The following ANKRD26 variants were observed in gnomAD, a reference collection of about 807,000 sequenced individuals.
ANKRD26 encodes the protein ankyrin repeat domain 26.
ANKRD26 carries 141 observed loss-of-function variants against 208.7 expected under a neutral mutation model. That is an observed-to-expected ratio of 0.68 (90% CI 0.59 to 0.78). The LOEUF is 0.78. ANKRD26 is among the 30% of genes least tolerant of loss of function. The probability of loss-of-function intolerance (pLI) is 0.00; values close to 1 mark genes in which losing one functional copy is unlikely to be tolerated. For synonymous variants in ANKRD26, 636 were observed against 660.4 expected (o/e 0.96, Z 0.57); for missense variants, 1,889 against 1,938.7 (o/e 0.97, Z 0.48).
rs371388432 is a variant in ANKRD26, at chr10:27,092,515, G to C, written c.532-3C>G. 1 of 1,606,904 alleles carries C rather than the reference G, an allele frequency of 6.2e-7. No homozygotes were observed. The highest frequency in any genetic ancestry group is 1.3e-5 in the African/African-American group (1 of 74,732). On this transcript the variant is annotated splice_region_variant and splice_polypyrimidine_tract_variant and intron_variant, in intron 3 of 33. Coordinates refer to ENST00000376087, the MANE Select transcript of ANKRD26 (RefSeq NM_014915.3). Reference sequence around the variant, plus strand: ...AGTAAAAGTGGTGTGAGGTCATCCTGTAAGACAGCAAAAACAAGTTAAAAT... The same window carrying C: ...AGTAAAAGTGGTGTGAGGTCATCCTCTAAGACAGCAAAAACAAGTTAAAAT...
In ANKRD26 at chr10:27,022,696, A is replaced by G. The variant is rs1450522814; in HGVS notation, c.4086-9T>C. On this transcript the variant is annotated splice_polypyrimidine_tract_variant and intron_variant, in intron 28 of 33. Transcript: ENST00000376087. ...TTAAGAGGTTCTTAAATCTGCAGGA[A>G]GGTACAAAATGAGTAACTCAAGTTT... The G allele has an allele frequency of 6.3e-7, 1 of 1,579,920 alleles. No homozygotes were observed. Among genetic ancestry groups the G allele is most frequent in the Admixed American group, 1.7e-5 (1 of 58,674 alleles).
In ANKRD26 at chr10:27,086,532, G is replaced by T. The variant is rs2056121540; in HGVS notation, c.709+7C>A. On this transcript the variant is annotated splice_region_variant and intron_variant, in intron 5 of 33. Coordinates refer to ENST00000376087, the MANE Select transcript of ANKRD26 (RefSeq NM_014915.3). ...TACCAAGAGAAATTCACTATTGGAAGTCTTACCTGAATTACTATTTTGAGA... is the reference window on the plus strand; with the variant it reads ...TACCAAGAGAAATTCACTATTGGAATTCTTACCTGAATTACTATTTTGAGA... 1 of 1,605,118 alleles carries T rather than the reference G, an allele frequency of 6.2e-7. No homozygotes were observed. Among genetic ancestry groups the T allele is most frequent in the Non-Finnish European group, 8.5e-7 (1 of 1,174,864 alleles).
At position 27,046,405 on chromosome 10, in the gene ANKRD26, G is replaced by C. The variant is rs1490389821; in HGVS notation, c.1933C>G (p.Leu645Val). The change falls in exon 18 of 34, where the codon CTA becomes GTA. Residue 645 changes from leucine to valine, a missense_variant. By Grantham distance (32) the Leu-to-Val change is conservative. Around this residue, in one of 3 missense-constraint regions of ANKRD26, gnomAD observed 1,272 missense variants for 1,273.8 expected, o/e 1.00. Coordinates refer to ENST00000376087, the MANE Select transcript of ANKRD26 (RefSeq NM_014915.3). ...GKASLLTGGL[L>V]QVDDDSSLSE... ...AAACTGCTGTCATCATCCACTTGTA[G>C]CAGGCCACCAGTTAGTAAACTGGCC... is the stretch of plus-strand genomic sequence containing the variant. 1.2e-6 allele frequency: 2 copies of C among 1,613,894 alleles called. No homozygotes were observed. Among genetic ancestry groups the C allele is most frequent in the Non-Finnish European group, 8.5e-7 (1 of 1,180,002 alleles).
At chr10:27,061,059 A>C in intron 13 of ANKRD26, 85 bp downstream of exon 13, 1 of 1,024,838 alleles carries the variant, frequency 9.8e-7, no homozygotes, top group Admixed American at 1.7e-5. Flanking sequence ...CTTATTTCTC[A>C]TCAGAGAAAG....
rs769269885 is a variant in ANKRD26, at chr10:27,053,396, A to G, written c.1565-6T>C. On this transcript the variant is annotated splice_region_variant and splice_polypyrimidine_tract_variant and intron_variant, in intron 15 of 33. Coordinates refer to ENST00000376087, the MANE Select transcript of ANKRD26 (RefSeq NM_014915.3). ...TACTTCTAAGTCATGTTCAGCTGAA[A>G]AAATCCAAATATTTAGTTTAATGAA... 2 of 1,606,120 alleles carry G rather than the reference A, an allele frequency of 1.2e-6. No individual in the cohort carries two copies. Among genetic ancestry groups the G allele is most frequent in the Non-Finnish European group, 1.7e-6 (2 of 1,174,468 alleles).
At chr10:27,027,775 AC>A (rs2053715232) in intron 27 of ANKRD26, among the ~76,000 whole-genome samples, 1 of 152,210 alleles carries the variant, frequency 6.6e-6, no homozygotes, top group African/African-American at 2.4e-5. Context: ...AGCCCAACTT[AC>A]AATTTTTCAA....
At chr10:27,072,686 T>C (rs911094490) in intron 9 of ANKRD26, among the ~76,000 whole-genome samples, 2 of 152,192 alleles carry the variant, frequency 1.3e-5, no homozygotes, top group African/African-American at 4.8e-5. Flanking sequence ...CATCACAACG[T>C]CTGCAAGCAC....
chr10:27,076,867 C>T (rs1360322485), intron 9 of ANKRD26, among the ~76,000 whole-genome samples: 1 of 151,982 alleles, frequency 6.6e-6, no homozygotes, highest in Non-Finnish European at 1.5e-5. Flanking sequence ...AAACCGCCAA[C>T]AAGAAAAAAA....
chr10:27,099,844 A>AT (rs1354530603), intron 1 of ANKRD26, among the ~76,000 whole-genome samples: 8 of 138,872 alleles, frequency 5.8e-5, no homozygotes, highest in African/African-American at 2.2e-4. Flanking sequence ...TCACTTTAAA[A>AT]TTGTCACTTA....
rs192001764 is a variant in ANKRD26, at chr10:27,070,140, C to A, written c.1078-2854G>T. On this transcript the variant is annotated intron_variant, in intron 9 of 33. Coordinates refer to ENST00000376087, the MANE Select transcript of ANKRD26 (RefSeq NM_014915.3). ...AAAAAAAAGGCCAGGCGTGGTGGCTCATGCCTGTAATCCCAGCACTTTGGG... is the reference window on the plus strand; with the variant it reads ...AAAAAAAAGGCCAGGCGTGGTGGCTAATGCCTGTAATCCCAGCACTTTGGG... Among the ~76,000 whole-genome samples the A allele has an allele frequency of 3.4e-5, 5 of 147,268 alleles. No individual in the cohort carries two copies. In the South Asian group the frequency reaches 1.1e-3, roughly 32 times the overall value.
At position 27,029,325 on chromosome 10, in the gene ANKRD26, G is replaced by A. The variant is rs2053785243; in HGVS notation, c.3839C>T (p.Ala1280Val). The A allele has an allele frequency of 6.2e-7, 1 of 1,612,838 alleles. No homozygotes were observed. The highest frequency in any genetic ancestry group is 1.3e-5 in the African/African-American group (1 of 75,010). The change falls in exon 26 of 34, where the codon GCT (alanine) becomes GTT (valine). Residue 1280 changes from alanine (A) to valine (V), a missense_variant. Physicochemically the swap from Ala to Val is moderately conservative, Grantham distance 64. This residue lies in a region of ANKRD26 where 613 missense variants were observed against 648.2 expected (regional missense o/e 0.95). Transcript: ENST00000376087. ...LQEAQDRHTEAVRCAEKMQDH... is the reference protein window; with the variant it reads ...LQEAQDRHTEVVRCAEKMQDH... Reference sequence around the variant, plus strand: ...TTGCATCTTCTCAGCACATCTGACAGCTTCTGTATGTCGATCCTGTGCTTC... The same window carrying A: ...TTGCATCTTCTCAGCACATCTGACAACTTCTGTATGTCGATCCTGTGCTTC...
chr10:27,088,624 T>C (rs1420434143), intron 4 of ANKRD26, among the ~76,000 whole-genome samples: 1 of 152,174 alleles, frequency 6.6e-6, no homozygotes, highest in Admixed American at 6.5e-5. Context: ...CAGATCACTT[T>C]AGGGGTCAAC....
At chr10:27,081,771 T>C (rs912689171) in intron 6 of ANKRD26, among the ~76,000 whole-genome samples, 11 of 151,658 alleles carry the variant, frequency 7.3e-5, no homozygotes, top group African/African-American at 2.4e-4. Context: ...AGAGTCCCGC[T>C]CTGTCACCCA....
At chr10:27,027,613 T>C (rs781570463) in intron 27 of ANKRD26, among the ~76,000 whole-genome samples, 3 of 152,232 alleles carry the variant, frequency 2.0e-5, no homozygotes, top group Non-Finnish European at 4.4e-5. Flanking sequence ...AACTCATTAA[T>C]GTTATGAATT....
intron 32 of ANKRD26, among the ~76,000 whole-genome samples, chr10:27,009,694 T>C (rs551935976): frequency 6.6e-6 from 1 of 152,324 alleles, no homozygotes; most frequent in East Asian, 1.9e-4. Context: ...CTTACGCTAA[T>C]AATTTAATGC....
At chr10:27,079,827 T>C (rs2055836739) in intron 6 of ANKRD26, among the ~76,000 whole-genome samples, 1 of 152,068 alleles carries the variant, frequency 6.6e-6, no homozygotes, top group African/African-American at 2.4e-5. Context: ...CACTCCAGCC[T>C]GGGTGACACA....
chr10:26,977,700 C>T (rs973599427), intron 5 of ANKRD26, among the ~76,000 whole-genome samples: 1 of 152,120 alleles, frequency 6.6e-6, no homozygotes, highest in African/African-American at 2.4e-5. Flanking sequence ...CATTTTGGTC[C>T]TCTCATTAAG....
intron 27 of ANKRD26, among the ~76,000 whole-genome samples, chr10:27,024,982 C>T (rs918718145): frequency 1.3e-5 from 2 of 152,142 alleles, no homozygotes; most frequent in Non-Finnish European, 2.9e-5. Context: ...TTATACTCAC[C>T]TGACTTCAAG....
intron 25 of ANKRD26, among the ~76,000 whole-genome samples, 184 bp from the exon 26 acceptor site, chr10:27,029,540 C>T (rs1373907569): frequency 6.6e-6 from 1 of 152,132 alleles, no homozygotes; most frequent in Non-Finnish European, 1.5e-5. Flanking sequence ...ATCTACGGCT[C>T]CCAAAGCCTA....
Sources: gnomAD v4.1 joint callset for allele counts (sites outside exome capture counted in the v4.1 genomes callset) on GRCh38, gnomAD v4.1.1 for gene constraint, gnomAD v4.1.1 regional missense constraint, MANE v1.5 for transcripts, NCBI Gene and HGNC (gene_info 2026-07-23, HGNC 2026-07-21) for gene names.